Variants in ASTN2 observed in about 807,000 individuals in gnomAD.
ASTN2 encodes the protein astrotactin 2, also known as astrotactin-2.
ASTN2 carries 54 observed loss-of-function variants against 139.8 expected under a neutral mutation model. That is an observed-to-expected ratio of 0.39 (90% CI 0.31 to 0.48). The LOEUF is 0.48. Among genes scored for constraint, ASTN2 ranks in the 20% least tolerant of loss-of-function variants. The probability of loss-of-function intolerance (pLI) is 0.95; values close to 1 mark genes in which losing one functional copy is unlikely to be tolerated. For missense variants in ASTN2, 1,565 were observed against 1,725.1 expected (o/e 0.91, Z 1.64); for synonymous variants, 756 against 719.5 (o/e 1.05, Z -0.81).
intron 7 of ASTN2, among the ~76,000 whole-genome samples, chr9:116,981,514 C>T (rs1836512545): frequency 6.6e-6 from 1 of 152,196 alleles, no homozygotes; most frequent in Non-Finnish European, 1.5e-5. Flanking sequence ...TTCCCAGTTT[C>T]ATTATTCAGA....
chr9:117,127,614 A>G (rs1469657086), intron 4 of ASTN2, among the ~76,000 whole-genome samples: 2 of 144,070 alleles, frequency 1.4e-5, no homozygotes, highest in African/African-American at 5.2e-5. Context: ...CTGGGGTTTC[A>G]TTACTCAAAT....
At chr9:117,029,583 G>A (rs1319223319) in intron 6 of ASTN2, among the ~76,000 whole-genome samples, 1 of 152,044 alleles carries the variant, frequency 6.6e-6, no homozygotes, top group Non-Finnish European at 1.5e-5. Context: ...CTAAGCTGGA[G>A]AAGGCCGGAG....
At chr9:117,382,914 G>A (rs149192465) in intron 1 of ASTN2, among the ~76,000 whole-genome samples, 1 of 152,214 alleles carries the variant, frequency 6.6e-6, no homozygotes, top group East Asian at 1.9e-4. Context: ...ACTGAGAAAA[G>A]ATGTCAGAAA....
At chr9:116,762,712 G>A (rs972849250) in intron 13 of ASTN2, among the ~76,000 whole-genome samples, 2 of 152,240 alleles carry the variant, frequency 1.3e-5, no homozygotes, top group Admixed American at 6.5e-5. Flanking sequence ...ACAACACACT[G>A]AGTAAATGGG....
At chr9:116,751,906 AAT>A (rs1172353892) in intron 13 of ASTN2, among the ~76,000 whole-genome samples, 2 of 152,202 alleles carry the variant, frequency 1.3e-5, no homozygotes, top group Non-Finnish European at 2.9e-5. Flanking sequence ...CAATATTGTT[AAT>A]ATGTCAGTTC....
intron 5 of ASTN2, among the ~76,000 whole-genome samples, chr9:117,071,011 G>T (rs1246490420): frequency 1.3e-5 from 2 of 148,854 alleles, no homozygotes; most frequent in African/African-American, 4.9e-5. Flanking sequence ...CTCTCAGCTC[G>T]TCAAAGTCAT....
chr9:117,374,607 A>G (rs1830072417), intron 1 of ASTN2, among the ~76,000 whole-genome samples: 1 of 152,166 alleles, frequency 6.6e-6, no homozygotes, highest in Non-Finnish European at 1.5e-5. Context: ...AATAATTCAA[A>G]TACAAAAGAA....
intron 10 of ASTN2, among the ~76,000 whole-genome samples, chr9:116,967,477 G>T (rs1230269530): frequency 1.3e-5 from 2 of 152,194 alleles, no homozygotes; most frequent in Non-Finnish European, 2.9e-5. Context: ...AAAAGGAAAA[G>T]TTTAGAGGAA....
intron 10 of ASTN2, among the ~76,000 whole-genome samples, chr9:116,946,936 C>CA (rs3983292): frequency 0.22 from 27,885 of 127,804 alleles, 3,465 homozygotes; most frequent in African/African-American, 0.32. Context: ...ACATTTTTGT[C>CA]AAAAAAAAAA....
intron 19 of ASTN2, among the ~76,000 whole-genome samples, chr9:116,604,341 AC>A (rs1855075081): frequency 6.6e-6 from 1 of 152,294 alleles, no homozygotes; most frequent in African/African-American, 2.4e-5. Context: ...GAAACCTTTC[AC>A]CCAGAAAGCA....
chr9:117,311,201 C>T lies in ASTN2; in HGVS notation c.443-19688G>A, dbSNP rs1032500841. ...CTTAGTACTGCATCAGGCATAGAGGCAAGCCCTCAATAAATGGTAGGCTTA... is the reference window on the plus strand; with the variant it reads ...CTTAGTACTGCATCAGGCATAGAGGTAAGCCCTCAATAAATGGTAGGCTTA... On this transcript the variant is annotated intron_variant, in intron 1 of 22. Coordinates refer to ENST00000313400, the MANE Select transcript of ASTN2 (RefSeq NM_001365068.1). Among the ~76,000 whole-genome samples, 4 of 143,858 alleles carry T rather than the reference C, an allele frequency of 2.8e-5. No homozygotes were observed. The East Asian group carries it at 8.2e-4, about 30-fold the overall frequency. The allele number at this position is 143,858 out of a possible 152,430, so 94.4% of individuals were successfully genotyped here. A position where few individuals can be genotyped will look rare whatever the true frequency, so the allele number is the denominator to read the frequency against.
At position 117,120,354 on chromosome 9, in the gene ASTN2, G is replaced by A. The variant is rs143503367; in HGVS notation, c.1168+20972C>T. Among the ~76,000 whole-genome samples, 369 of 152,150 alleles carry A rather than the reference G, an allele frequency of 2.4e-3. 2 individuals are homozygous for A. The highest frequency in any genetic ancestry group is 8.1e-3 in the African/African-American group (335 of 41,490). Reference sequence around the variant, plus strand: ...AGACTTGTATTCACCAACCAAAGGAGAGCCTGGGTGCCCATGAGGAAGGCC... The same window carrying A: ...AGACTTGTATTCACCAACCAAAGGAAAGCCTGGGTGCCCATGAGGAAGGCC... On this transcript the variant is annotated intron_variant, in intron 4 of 22. Transcript: ENST00000313400.
chr9:116,768,073 C>G (rs1829855869), intron 13 of ASTN2, among the ~76,000 whole-genome samples: 1 of 152,132 alleles, frequency 6.6e-6, no homozygotes, highest in Non-Finnish European at 1.5e-5. Flanking sequence ...ACTTAGCAGT[C>G]TAGTAGGGAA....
chr9:116,756,700 G>A (rs1350546306), intron 13 of ASTN2, among the ~76,000 whole-genome samples: 2 of 151,552 alleles, frequency 1.3e-5, no homozygotes, highest in Non-Finnish European at 2.9e-5. Flanking sequence ...GCTCAATTCG[G>A]CCTCCATCCC....
intron 11 of ASTN2, among the ~76,000 whole-genome samples, chr9:116,828,555 A>G (rs1040854702): frequency 5.3e-5 from 8 of 152,170 alleles, no homozygotes; most frequent in Non-Finnish European, 7.4e-5. Context: ...CAGAGTAATC[A>G]TTGAAAATAC....
chr9:116,708,830 G>A (rs556762428), intron 16 of ASTN2, among the ~76,000 whole-genome samples: 4 of 150,878 alleles, frequency 2.7e-5, no homozygotes, highest in East Asian at 3.9e-4. Context: ...ACTTAAACCC[G>A]TTTATACTAT....
At chr9:116,821,726 T>G (rs1487410749) in intron 11 of ASTN2, among the ~76,000 whole-genome samples, 1 of 152,054 alleles carries the variant, frequency 6.6e-6, no homozygotes, top group Non-Finnish European at 1.5e-5. Flanking sequence ...GCCCTCCCCA[T>G]AGCCCTCTGG....
At chr9:116,632,194 G>GAA (rs71377258) in intron 17 of ASTN2, among the ~76,000 whole-genome samples, 10,788 of 41,398 alleles carry the variant, frequency 0.26, 1,375 homozygotes, top group South Asian at 0.55. Flanking sequence ...GGGAGAGAGA[G>GAA]AGAAAGAAAG....
intron 19 of ASTN2, among the ~76,000 whole-genome samples, chr9:116,614,385 A>G (rs542069730): frequency 8.1e-4 from 124 of 152,294 alleles, no homozygotes; most frequent in Non-Finnish European, 1.5e-3. Flanking sequence ...TAAAGTTCAT[A>G]TGGAACCAAA....
Sources: allele counts gnomAD v4.1 joint callset (sites outside exome capture counted in the v4.1 genomes callset), GRCh38; gene constraint gnomAD v4.1.1; transcripts MANE v1.5; gene names NCBI Gene and HGNC (gene_info 2026-07-23, HGNC 2026-07-21).